MTA3: variants seen among roughly 807,000 people sequenced by gnomAD.
MTA3 encodes the protein metastasis-associated protein MTA3.
A neutral mutation model predicts 83.5 loss-of-function variants in MTA3; 34 were observed. The observed-to-expected ratio is 0.41, with a 90% CI of 0.31 to 0.54. The LOEUF (loss-of-function observed/expected upper bound fraction) is 0.54, where lower values mean the gene tolerates loss of function less well. MTA3 is among the 20% of genes least tolerant of loss of function. The probability of loss-of-function intolerance (pLI) is 0.33; values close to 1 mark genes in which losing one functional copy is unlikely to be tolerated. For missense variants in MTA3, 761 were observed against 726.4 expected, an observed-to-expected ratio of 1.05 and a Z score of -0.55; for synonymous variants, 303 against 252.7, an observed-to-expected ratio of 1.20 and a Z score of -1.89.
upstream of MTA3, among the ~76,000 whole-genome samples, chr2:42,494,378 G>T (rs1307276438): frequency 6.6e-6 from 1 of 151,360 alleles, no homozygotes; most frequent in Non-Finnish European, 1.5e-5. Context: ...CGGGTGCGGG[G>T]ACAGACGGCG....
intron 2 of MTA3, among the ~76,000 whole-genome samples, chr2:42,496,965 G>A (rs949904717): frequency 2.6e-4 from 39 of 152,186 alleles, no homozygotes; most frequent in African/African-American, 9.4e-4. Flanking sequence ...CAGCACTTTG[G>A]AAGGCCGAGG....
At position 42,605,685 on chromosome 2, in the gene MTA3, C is replaced by G. The variant is rs1248168878; in HGVS notation, c.191-3773C>G. Among the ~76,000 whole-genome samples the G allele has an allele frequency of 7.6e-5, 10 of 131,558 alleles. No homozygotes were observed. In the South Asian group the frequency reaches 2.5e-3, roughly 32 times the overall value. 86.3% of individuals were successfully genotyped at this position (131,558 alleles called of 152,430 possible). ...GGGGGCTGACCCCCCCACCTCCCTC[C>G]CGGATGGGGCGGCTGGCCGGGCGGG... On this transcript the variant is annotated intron_variant, in intron 3 of 16. Coordinates refer to ENST00000405094, the MANE Select transcript of MTA3 (RefSeq NM_001330442.2).
intron 16 of MTA3, among the ~76,000 whole-genome samples, chr2:42,749,828 G>C (rs1669734771): frequency 6.6e-6 from 1 of 152,066 alleles, no homozygotes; most frequent in Non-Finnish European, 1.5e-5. Flanking sequence ...TGGAGGGTTA[G>C]TCAAATTAGC....
chr2:42,697,687 TAC>T (rs1693510207), intron 10 of MTA3, 87 bp from the exon 11 acceptor site: 2 of 870,642 alleles, frequency 2.3e-6, no homozygotes, highest in African/African-American at 1.7e-5. Context: ...TACACTTTAA[TAC>T]GTATTTTCTT....
chr2:42,636,010 C>G (rs902673768), intron 4 of MTA3, among the ~76,000 whole-genome samples: 2 of 152,166 alleles, frequency 1.3e-5, no homozygotes, highest in African/African-American at 2.4e-5. Context: ...CTCAGGCAAT[C>G]TGCCCGCCTC....
At chr2:42,574,079 G>A (rs916398743) in intron 2 of MTA3, among the ~76,000 whole-genome samples, 6 of 149,348 alleles carry the variant, frequency 4.0e-5, no homozygotes, top group Non-Finnish European at 5.9e-5. Flanking sequence ...CTTGTGATCC[G>A]CCTGCCTCGG....
chr2:42,626,270 A>G (rs982606738), intron 4 of MTA3, among the ~76,000 whole-genome samples: 2 of 147,228 alleles, frequency 1.4e-5, no homozygotes, highest in African/African-American at 5.1e-5. Context: ...TTCAAAACCA[A>G]GGTAGTAAGG....
chr2:42,606,943 C>T (rs1379360082), intron 3 of MTA3, among the ~76,000 whole-genome samples: 1 of 149,852 alleles, frequency 6.7e-6, no homozygotes, highest in African/African-American at 2.5e-5. Context: ...GCGGCGCGTG[C>T]CTGCAATCGC....
chr2:42,602,298 C>G (rs111948916), intron 3 of MTA3, among the ~76,000 whole-genome samples: 43 of 152,288 alleles, frequency 2.8e-4, no homozygotes, highest in African/African-American at 1.0e-3. Flanking sequence ...TCTCCTATTA[C>G]TGAACATTTG....
Position 42,631,017 on chromosome 2 carries a change from C to T in MTA3, c.318-9156C>T, listed in dbSNP as rs140652201. On this transcript the variant is annotated intron_variant, in intron 4 of 16. Transcript: ENST00000405094. ...GATTATTAGTCTCTCTTCAGTTTGG[C>T]TGTGAATGTTAAAAACTTACTTGGA... Among the ~76,000 whole-genome samples the T allele has an allele frequency of 4.6e-3, 697 of 152,254 alleles. 8 individuals carry two copies. Among genetic ancestry groups the T allele is most frequent in the African/African-American group, 0.015 (637 of 41,556 alleles).
intron 9 of MTA3, among the ~76,000 whole-genome samples, chr2:42,689,014 T>G (rs1692646751): frequency 1.3e-5 from 2 of 152,164 alleles, no homozygotes; most frequent in Admixed American, 1.3e-4. Context: ...CTCTCTATTC[T>G]TATTTTTTGA....
chr2:42,634,544 C>G (rs1687002397), intron 4 of MTA3, among the ~76,000 whole-genome samples: 1 of 152,154 alleles, frequency 6.6e-6, no homozygotes, highest in Non-Finnish European at 1.5e-5. Flanking sequence ...CCCCCGTGAT[C>G]CAATCACCAC....
intron 8 of MTA3, among the ~76,000 whole-genome samples, chr2:42,670,691 G>A (rs1002741816): frequency 6.6e-6 from 1 of 151,684 alleles, no homozygotes; most frequent in Non-Finnish European, 1.5e-5. Context: ...TGATCTGCTG[G>A]GGCCTAGTGC....
intron 14 of MTA3, among the ~76,000 whole-genome samples, chr2:42,716,524 CTG>C (rs1667043510): frequency 6.6e-6 from 1 of 152,174 alleles, no homozygotes; most frequent in South Asian, 2.1e-4. Flanking sequence ...TTGCTCCCCT[CTG>C]TGCATCCATG....
At chr2:42,727,532 C>T (rs930230687) in intron 16 of MTA3, among the ~76,000 whole-genome samples, 3 of 152,132 alleles carry the variant, frequency 2.0e-5, no homozygotes, top group African/African-American at 7.2e-5. Flanking sequence ...AGAGCCATTA[C>T]TGGAAAACAT....
chr2:42,605,056 A>G (rs1683083075), intron 3 of MTA3, among the ~76,000 whole-genome samples: 1 of 150,910 alleles, frequency 6.6e-6, no homozygotes, highest in African/African-American at 2.4e-5. Flanking sequence ...TATTCCACAA[A>G]GCTGCCATTG....
At chr2:42,646,000 G>A (rs1159701109) in intron 6 of MTA3, among the ~76,000 whole-genome samples, 1 of 152,176 alleles carries the variant, frequency 6.6e-6, no homozygotes, top group African/African-American at 2.4e-5. Context: ...AATGTAGCTG[G>A]TGACTTGAAG....
intron 4 of MTA3, among the ~76,000 whole-genome samples, chr2:42,628,370 A>G (rs961738922): frequency 1.3e-5 from 2 of 151,956 alleles, no homozygotes; most frequent in African/African-American, 4.8e-5. Flanking sequence ...AGCTGGGATT[A>G]CAGGCGCCCA....
In MTA3 at chr2:42,704,254, A is replaced by C; in HGVS notation, c.1086A>C (p.Gly362=). 2 of 1,613,972 alleles carry C rather than the reference A, an allele frequency of 1.2e-6. No individual in the cohort carries two copies. The highest frequency in any genetic ancestry group is 1.7e-6 in the Non-Finnish European group (2 of 1,179,854). Reference sequence around the variant, plus strand: ...ATGGGAAGCCTGGTGCTGTGAATGGAGCTGTGGGGACCACGTTCCAGCCTC... The same window carrying C: ...ATGGGAAGCCTGGTGCTGTGAATGGCGCTGTGGGGACCACGTTCCAGCCTC... ...TSNGKPGAVN[G]AVGTTFQPQN... The change falls in exon 12 of 17, where the codon GGA becomes GGC. Residue 362 remains glycine (G), a synonymous_variant. Transcript: ENST00000405094.
Sources: gnomAD v4.1 joint callset for allele counts (sites outside exome capture counted in the v4.1 genomes callset) on GRCh38, gnomAD v4.1.1 for gene constraint, MANE v1.5 for transcripts, NCBI Gene and HGNC (gene_info 2026-07-23, HGNC 2026-07-21) for gene names.